The following STK32B variants were observed in gnomAD, a reference collection of about 807,000 sequenced individuals.
STK32B encodes serine/threonine kinase 32B.
A neutral mutation model predicts 52.6 loss-of-function variants in STK32B; 43 were observed. The ratio of observed to expected loss-of-function variants is 0.82; its 90% CI spans 0.64 to 1.05. STK32B has a LOEUF of 1.05. Among genes scored for constraint, STK32B ranks in the 50% least tolerant of loss-of-function variants. The pLI is 0.00. For synonymous variants in STK32B, 238 were observed against 204.3 expected (o/e 1.17, Z -1.41); for missense variants, 621 against 534.6 (o/e 1.16, Z -1.59).
At chr4:5,108,553 T>G (rs1714232321) in intron 1 of STK32B, among the ~76,000 whole-genome samples, 1 of 152,230 alleles carries the variant, frequency 6.6e-6, no homozygotes, top group Non-Finnish European at 1.5e-5. Flanking sequence ...GTTTTTAATA[T>G]TTCAATGGAA....
chr4:5,113,481 A>G (rs1714520936), intron 1 of STK32B, among the ~76,000 whole-genome samples: 1 of 151,992 alleles, frequency 6.6e-6, no homozygotes, highest in South Asian at 2.1e-4. Context: ...AGTATGGGTA[A>G]AGAATAAGTA....
At chr4:5,480,736 A>T (rs1165382550) in intron 11 of STK32B, among the ~76,000 whole-genome samples, 2 of 141,768 alleles carry the variant, frequency 1.4e-5, no homozygotes, top group Non-Finnish European at 3.0e-5. Context: ...TCCCCCCTCC[A>T]CCCACCCCAC....
chr4:5,261,007 G>C (rs1305084652), intron 3 of STK32B, among the ~76,000 whole-genome samples: 1 of 152,150 alleles, frequency 6.6e-6, no homozygotes, highest in East Asian at 1.9e-4. Context: ...GCCAATCACT[G>C]TGGGCTGCCC....
chr4:5,150,574 A>ATT (rs36018984), intron 2 of STK32B, among the ~76,000 whole-genome samples: 9 of 150,344 alleles, frequency 6.0e-5, no homozygotes, highest in Non-Finnish European at 1.0e-4. Flanking sequence ...ATCTCAGTCC[A>ATT]TTTTTTTTTT....
chr4:5,294,764 T>C (rs1442286251), intron 3 of STK32B, among the ~76,000 whole-genome samples: 1 of 152,186 alleles, frequency 6.6e-6, no homozygotes, highest in East Asian at 1.9e-4. Context: ...TACCCATTAT[T>C]TCTTTCTCTT....
At chr4:5,388,661 T>C (rs1046740609) in intron 4 of STK32B, among the ~76,000 whole-genome samples, 7 of 152,146 alleles carry the variant, frequency 4.6e-5, no homozygotes, top group African/African-American at 1.7e-4. Context: ...GTGTTCTAGT[T>C]GGAAGTAGAA....
chr4:5,425,013 C>G (rs1366032429), intron 6 of STK32B, among the ~76,000 whole-genome samples: 1 of 152,224 alleles, frequency 6.6e-6, no homozygotes, highest in African/African-American at 2.4e-5. Context: ...CAGACGCAGC[C>G]TTGGAGGGAG....
chr4:5,082,118 CT>C (rs1025193193), intron 1 of STK32B, among the ~76,000 whole-genome samples: 4 of 150,050 alleles, frequency 2.7e-5, no homozygotes, highest in East Asian at 2.0e-4. Flanking sequence ...TGCTCTACAT[CT>C]TTTTTTTTTC....
At chr4:5,166,877 C>T (rs1718910634) in intron 2 of STK32B, among the ~76,000 whole-genome samples, 1 of 152,148 alleles carries the variant, frequency 6.6e-6, no homozygotes. Flanking sequence ...AATACAGTCC[C>T]TCCTCGGCGT....
rs376165934 is a variant in STK32B at position 5,139,889 on chromosome 4, T to C, written c.53-16T>C. On this transcript the variant is annotated splice_polypyrimidine_tract_variant and intron_variant, in intron 1 of 11. Transcript: ENST00000282908. ...TAGCAAATCTGACTTGTTTCCTTTT[T>C]TGTTTTCTTTTGCAGTCAACTTTGA... 8.4e-5 allele frequency: 136 copies of C among 1,614,104 alleles called. No individual in the cohort carries two copies. The highest frequency in any genetic ancestry group is 1.6e-4 in the Middle Eastern group (1 of 6,084).
chr4:5,240,137 C>T (rs59638800), intron 3 of STK32B, among the ~76,000 whole-genome samples: 2,002 of 151,086 alleles, frequency 0.013, 41 homozygotes, highest in East Asian at 0.077. Context: ...TTCCATGTGC[C>T]TAAATATGAT....
intron 6 of STK32B, among the ~76,000 whole-genome samples, chr4:5,441,144 CT>C (rs1714703485): frequency 6.7e-6 from 1 of 149,034 alleles, no homozygotes; most frequent in South Asian, 2.2e-4. Context: ...AGGATTCCCT[CT>C]TTTTCTATTG....
rs148838745 is a variant in STK32B, at chr4:5,190,109, C to T, written c.260+21659C>T. Among the ~76,000 whole-genome samples, 302 of 152,288 alleles carry T rather than the reference C, an allele frequency of 2.0e-3. 4 individuals are homozygous for T. In the East Asian group the frequency reaches 0.046, roughly 23 times the overall value. ...TGGAAACCAGAATCAGAATAGAACA[C>T]GTTAGTCCTCTAAACCCAAAAGAAA... On this transcript the variant is annotated intron_variant, in intron 3 of 11. Coordinates refer to ENST00000282908, the MANE Select transcript of STK32B (RefSeq NM_018401.3).
chr4:5,391,608 CAG>C (rs1736601389), intron 4 of STK32B, among the ~76,000 whole-genome samples: 1 of 152,164 alleles, frequency 6.6e-6, no homozygotes, highest in East Asian at 1.9e-4. Context: ...CCGAGGCACC[CAG>C]AGCACCCAAG....
chr4:5,482,138 T>G (rs1310862572), intron 11 of STK32B, among the ~76,000 whole-genome samples: 1 of 152,200 alleles, frequency 6.6e-6, no homozygotes, highest in African/African-American at 2.4e-5. Flanking sequence ...ATTGGTAGCT[T>G]GATGGGGATG....
intron 4 of STK32B, among the ~76,000 whole-genome samples, chr4:5,361,911 C>A (rs929563034): frequency 2.6e-5 from 4 of 152,142 alleles, no homozygotes; most frequent in Non-Finnish European, 4.4e-5. Flanking sequence ...AACATAATGT[C>A]AAAATCAGCA....
rs142206058 is a variant in STK32B at position 5,192,890 on chromosome 4, G to A, written c.260+24440G>A. On this transcript the variant is annotated intron_variant, in intron 3 of 11. Transcript: ENST00000282908. ...GCATCTCCCCTCCACCCAGCCCCTG[G>A]CACCCTCCGTTCCACTCTCTGCTTC... Among the ~76,000 whole-genome samples, 1,224 of 152,240 alleles carry A rather than the reference G, an allele frequency of 8.0e-3. 6 individuals are homozygous for A. Among genetic ancestry groups the A allele is most frequent in the Middle Eastern group, 0.014 (4 of 294 alleles).
At chr4:5,343,057 G>A (rs965084138) in intron 4 of STK32B, among the ~76,000 whole-genome samples, 11 of 151,646 alleles carry the variant, frequency 7.3e-5, no homozygotes, top group African/African-American at 2.2e-4. Flanking sequence ...CCGTTAACTT[G>A]TCATTTAACG....
Position 5,470,211 on chromosome 4 carries a change from C to T in STK32B, c.1106+2141C>T, listed in dbSNP as rs887600603. Reference sequence around the variant, plus strand: ...AACCTCACTATATAGGAGCTTCAGCCGAGTAGATGTTTTCTTCCTCACGTG... The same window carrying T: ...AACCTCACTATATAGGAGCTTCAGCTGAGTAGATGTTTTCTTCCTCACGTG... On this transcript the variant is annotated intron_variant, in intron 11 of 11. Transcript: ENST00000282908. The surrounding 1 kb of genome is among the most constrained non-coding windows in gnomAD (Gnocchi z 4.6). 2.6e-5 allele frequency among the ~76,000 whole-genome samples: 4 copies of T among 152,130 alleles called. No individual in the cohort carries two copies. The highest frequency in any genetic ancestry group is 2.1e-4 in the South Asian group (1 of 4,824).
Sources: allele counts gnomAD v4.1 joint callset (sites outside exome capture counted in the v4.1 genomes callset), GRCh38; gene constraint gnomAD v4.1.1; non-coding constraint Gnocchi (gnomAD v3.1); transcripts MANE v1.5; gene names NCBI Gene and HGNC (gene_info 2026-07-23, HGNC 2026-07-21).